The following ZNF521 variants were observed in gnomAD, a reference collection of about 807,000 sequenced individuals.
The protein encoded by ZNF521 is LYST-interacting protein 3.
In ZNF521, 14 loss-of-function variants were observed where a neutral mutation model predicts 105.5. The ratio of observed to expected loss-of-function variants is 0.13; its 90% CI spans 0.09 to 0.21. ZNF521 has a LOEUF of 0.21. Among genes scored for constraint, ZNF521 ranks in the 10% least tolerant of loss-of-function variants. The probability of loss-of-function intolerance (pLI) is 1.00; values close to 1 mark genes in which losing one functional copy is unlikely to be tolerated. For synonymous variants in ZNF521, 635 were observed against 606.0 expected (o/e 1.05, Z -0.70); for missense variants, 1,233 against 1,629.7 (o/e 0.76, Z 4.19).
chr18:25,063,613 C>T (rs1378338918), intron 7 of ZNF521, among the ~76,000 whole-genome samples: 1 of 152,206 alleles, frequency 6.6e-6, no homozygotes, highest in African/African-American at 2.4e-5. Flanking sequence ...AACCTCTGGT[C>T]ATTCAGCCTG....
chr18:25,272,383 A>G (rs945567719), intron 3 of ZNF521, among the ~76,000 whole-genome samples: 1 of 152,144 alleles, frequency 6.6e-6, no homozygotes, highest in African/African-American at 2.4e-5. Flanking sequence ...AACTAGAAAT[A>G]CCGATTGACC....
At chr18:25,096,346 T>C (rs2033851279) in intron 5 of ZNF521, among the ~76,000 whole-genome samples, 1 of 152,234 alleles carries the variant, frequency 6.6e-6, no homozygotes, top group Non-Finnish European at 1.5e-5. Flanking sequence ...TGACAACTTC[T>C]ATACCTCCAA....
chr18:25,133,879 C>T (rs2034684477), intron 5 of ZNF521, among the ~76,000 whole-genome samples: 1 of 152,068 alleles, frequency 6.6e-6, no homozygotes, highest in South Asian at 2.1e-4. Context: ...AATTCTGAGC[C>T]TGCAATAGAA....
At chr18:25,273,031 A>G (rs1342871091) in intron 3 of ZNF521, among the ~76,000 whole-genome samples, 1 of 151,656 alleles carries the variant, frequency 6.6e-6, no homozygotes, top group Non-Finnish European at 1.5e-5. Context: ...GTTCAAGACC[A>G]GCCTGGGCAA....
chr18:25,166,619 A>G (rs916016723), intron 5 of ZNF521, among the ~76,000 whole-genome samples: 33 of 152,206 alleles, frequency 2.2e-4, no homozygotes, highest in Admixed American at 4.6e-4. Flanking sequence ...TTGTTTGTAG[A>G]CTTTTAATAC....
At chr18:25,310,446 AGG>A (rs923675939) in intron 3 of ZNF521, among the ~76,000 whole-genome samples, 1 of 151,074 alleles carries the variant, frequency 6.6e-6, no homozygotes, top group Non-Finnish European at 1.5e-5. Context: ...AAAAAAAAAG[AGG>A]GAGGGAAAAG....
intron 4 of ZNF521, among the ~76,000 whole-genome samples, chr18:25,213,070 G>A (rs1441336867): frequency 6.6e-6 from 1 of 150,792 alleles, no homozygotes; most frequent in Non-Finnish European, 1.5e-5. Context: ...TAGCTTACAG[G>A]CTACATCACC....
intron 7 of ZNF521, among the ~76,000 whole-genome samples, chr18:25,064,659 A>G (rs2033005731): frequency 6.6e-6 from 1 of 152,210 alleles, no homozygotes; most frequent in Non-Finnish European, 1.5e-5. Flanking sequence ...CATCCTTTAC[A>G]GCAACTAGCA....
intron 5 of ZNF521, among the ~76,000 whole-genome samples, chr18:25,147,067 G>A (rs1211846780): frequency 6.6e-6 from 1 of 152,088 alleles, no homozygotes; most frequent in Admixed American, 6.6e-5. Context: ...AGGATACAGA[G>A]CAGGGCAAAC....
intron 5 of ZNF521, among the ~76,000 whole-genome samples, chr18:25,157,756 C>CT (rs1360648142): frequency 1.2e-3 from 177 of 145,974 alleles, no homozygotes; most frequent in Admixed American, 2.3e-3. Flanking sequence ...ACTAAACCTT[C>CT]TTTTTTTTTT....
At chr18:25,152,906 A>G (rs1426296488) in intron 5 of ZNF521, among the ~76,000 whole-genome samples, 2 of 152,192 alleles carry the variant, frequency 1.3e-5, no homozygotes, top group African/African-American at 4.8e-5. Context: ...CTTTTCTACA[A>G]GAGTCTTGGG....
chr18:25,157,569 G>A (rs1288158250), intron 5 of ZNF521, among the ~76,000 whole-genome samples: 1 of 152,108 alleles, frequency 6.6e-6, no homozygotes, highest in African/African-American at 2.4e-5. Flanking sequence ...CGTCTAAGTG[G>A]ATTGCTTAAG....
At chr18:25,185,448 C>T (rs1197543133) in intron 5 of ZNF521, among the ~76,000 whole-genome samples, 1 of 151,966 alleles carries the variant, frequency 6.6e-6, no homozygotes, top group African/African-American at 2.4e-5. Flanking sequence ...TTGTACCGGT[C>T]GCCAACAGTA....
intron 3 of ZNF521, among the ~76,000 whole-genome samples, chr18:25,261,824 C>T (rs1253585367): frequency 6.6e-6 from 1 of 152,102 alleles, no homozygotes; most frequent in East Asian, 1.9e-4. Context: ...TATATTTAAG[C>T]AATGCCCAGA....
chr18:25,198,429 A>G (rs1395296337), intron 4 of ZNF521, among the ~76,000 whole-genome samples: 1 of 151,716 alleles, frequency 6.6e-6, no homozygotes. Flanking sequence ...GATTAACCCT[A>G]TTCCCCTCCA....
chr18:25,167,421 T>A (rs1399370596), intron 5 of ZNF521, among the ~76,000 whole-genome samples: 2 of 152,172 alleles, frequency 1.3e-5, no homozygotes, highest in Non-Finnish European at 2.9e-5. Flanking sequence ...ACAGAAGTGT[T>A]TTAGGAATAA....
intron 5 of ZNF521, among the ~76,000 whole-genome samples, chr18:25,159,902 C>T (rs534286745): frequency 6.6e-6 from 1 of 152,256 alleles, no homozygotes; most frequent in African/African-American, 2.4e-5. Context: ...CAATATGTGT[C>T]ATGCTAAGCT....
intron 4 of ZNF521, among the ~76,000 whole-genome samples, chr18:25,213,595 C>T (rs75459749): frequency 0.033 from 4,999 of 152,088 alleles, 113 homozygotes; most frequent in East Asian, 0.066. Flanking sequence ...AAGTGGCCTA[C>T]ATTTCTCTTT....
chr18:25,062,749 TAACAAAAAAAA>T lies in ZNF521; in HGVS notation c.3907-19_3907-9del. ...TTGGGTCATTGTATGATTCTGTAAATAACAAAAAAAAAAAAAAAAAAAAAAAAAAAAAAAAA... is the reference window on the plus strand; with the variant it reads ...TTGGGTCATTGTATGATTCTGTAAATAAAAAAAAAAAAAAAAAAAAAAAAA... On this transcript the variant is annotated splice_polypyrimidine_tract_variant and intron_variant, in intron 7 of 7. Transcript: ENST00000361524. 2.2e-4 allele frequency: 44 copies of T among 204,506 alleles called. No individual in the cohort carries two copies. The highest frequency in any genetic ancestry group is 2.6e-4 in the Non-Finnish European group (37 of 140,772). The allele number at this position is 204,506 out of a possible 1,614,324, so 12.7% of individuals were successfully genotyped here. A position where few individuals can be genotyped will look rare whatever the true frequency, so the allele number is the denominator to read the frequency against.
Sources: gnomAD v4.1 joint callset for allele counts (sites outside exome capture counted in the v4.1 genomes callset) on GRCh38, gnomAD v4.1.1 for gene constraint, MANE v1.5 for transcripts, NCBI Gene and HGNC (gene_info 2026-07-23, HGNC 2026-07-21) for gene names.